The following ABHD17C variants were observed in gnomAD, a reference collection of about 807,000 sequenced individuals.
ABHD17C encodes the protein alpha/beta hydrolase domain-containing protein 17C.
Under a neutral mutation model 27.9 loss-of-function variants are expected in ABHD17C, and 11 were observed. That is an observed-to-expected ratio of 0.39 (90% CI 0.25 to 0.65). The LOEUF (loss-of-function observed/expected upper bound fraction) is 0.65, where lower values mean the gene tolerates loss of function less well. Among genes scored for constraint, ABHD17C ranks in the 30% least tolerant of loss-of-function variants. The probability of loss-of-function intolerance (pLI) is 0.45; values close to 1 mark genes in which losing one functional copy is unlikely to be tolerated. For missense variants in ABHD17C, 280 were observed against 470.2 expected (o/e 0.60, Z 3.74); for synonymous variants, 233 against 209.1 (o/e 1.11, Z -0.98).
At chr15:80,702,936 T>A (rs1475114967) in intron 1 of ABHD17C, 1 of 152,268 alleles carries the variant, frequency 6.6e-6, no homozygotes, top group Non-Finnish European at 1.5e-5. Flanking sequence ...AAATCAGTTC[T>A]GACTCTAGCA....
chr15:80,704,807 G>A (rs781567811), intron 1 of ABHD17C: 4 of 152,184 alleles, frequency 2.6e-5, no homozygotes, highest in Non-Finnish European at 4.4e-5. Context: ...AGAGAGCATC[G>A]ACCTTGAAGA....
At chr15:80,700,061 G>C (rs933013837) in intron 1 of ABHD17C, among the ~76,000 whole-genome samples, 1 of 152,208 alleles carries the variant, frequency 6.6e-6, no homozygotes, top group Admixed American at 6.5e-5. Context: ...TGTCACTTGA[G>C]TTGGGGAAGT....
chr15:80,733,559 C>A (rs12324045), intron 1 of ABHD17C, among the ~76,000 whole-genome samples: 1 of 151,976 alleles, frequency 6.6e-6, no homozygotes, highest in Non-Finnish European at 1.5e-5. Flanking sequence ...GAGGGATGCT[C>A]CAAAAAGACA....
rs936818747 is a variant in ABHD17C, at chr15:80,695,765, G to C, written c.336G>C (p.Ser112=). 6.5e-7 allele frequency: 1 copy of C among 1,539,716 alleles called. No homozygotes were observed. Among genetic ancestry groups the C allele is most frequent in the African/African-American group, 1.4e-5 (1 of 73,210 alleles). The part of the protein sequence containing the change: ...RELDAVEVFF[S]RTARDNRLGC... ...TGGACGCCGTCGAGGTCTTCTTCTC[G>C]CGCACGGCCCGGGACAACCGGCTCG... is the stretch of plus-strand genomic sequence containing the variant. The change falls in exon 1 of 3, where the codon TCG becomes TCC. Residue 112 remains serine (S), a synonymous_variant. Coordinates refer to ENST00000258884, the MANE Select transcript of ABHD17C (RefSeq NM_021214.2). This position sits in a 1 kb window ranked among gnomAD's most constrained non-coding sequence, Gnocchi z 4.3.
Position 80,752,860 on chromosome 15 carries a change from T to G in ABHD17C, c.771-1291T>G, listed in dbSNP as rs75559109. On this transcript the variant is annotated intron_variant, in intron 2 of 2. Transcript: ENST00000258884. The stretch of plus-strand genomic sequence containing the variant: ...TGCTTAAAGTCTTTTGGATTCCTCT[T>G]TTGGATATGCTTTCAGAGCCTGAAG... Among the ~76,000 whole-genome samples the G allele has an allele frequency of 5.5e-3, 831 of 152,328 alleles. 5 individuals carry two copies. Among genetic ancestry groups the G allele is most frequent in the Non-Finnish European group, 9.0e-3 (610 of 68,020 alleles).
At chr15:80,696,077 T>A in intron 1 of ABHD17C, 58 bp downstream of exon 1, 1 of 1,473,246 alleles carries the variant, frequency 6.8e-7, no homozygotes, top group South Asian at 1.2e-5. Context: ...GGGGTGGGGG[T>A]CTCTTGGGGC....
In ABHD17C at chr15:80,749,554, G is replaced by C; in HGVS notation, c.632G>C (p.Ser211Thr). 1 of 1,613,958 alleles carries C rather than the reference G, an allele frequency of 6.2e-7. No homozygotes were observed. Among genetic ancestry groups the C allele is most frequent in the Non-Finnish European group, 8.5e-7 (1 of 1,179,866 alleles). Reference protein sequence around the residue: ...SPENIILYGQSIGTVPTVDLA... With the variant: ...SPENIILYGQTIGTVPTVDLA... ...GAGAACATTATCCTCTATGGTCAGA[G>C]CATTGGGACTGTCCCCACGGTAGAC... The change falls in exon 2 of 3, where the codon AGC (serine) becomes ACC (threonine). Residue 211 changes from serine to threonine, a missense_variant. Ser to Thr is a moderately conservative substitution (Grantham distance 58, BLOSUM62 1). Around this residue, in one of 2 missense-constraint regions of ABHD17C, gnomAD observed 206 missense variants for 394.7 expected, o/e 0.52. Coordinates refer to ENST00000258884, the MANE Select transcript of ABHD17C (RefSeq NM_021214.2).
chr15:80,707,393 G>A (rs890591871), intron 1 of ABHD17C, among the ~76,000 whole-genome samples: 11 of 152,228 alleles, frequency 7.2e-5, no homozygotes, highest in African/African-American at 2.4e-4. Context: ...TCTTCCTGCA[G>A]TAGGAGTTCA....
intron 1 of ABHD17C, among the ~76,000 whole-genome samples, chr15:80,714,872 T>A (rs1022870732): frequency 1.3e-5 from 2 of 152,248 alleles, no homozygotes; most frequent in African/African-American, 2.4e-5. Flanking sequence ...AGCATGACAG[T>A]AAATTAAAAT....
chr15:80,754,469 A>C lies in ABHD17C; in HGVS notation c.*99A>C. The C allele has an allele frequency of 1.0e-6, 1 of 995,408 alleles. No homozygotes were observed. The highest frequency in any genetic ancestry group is 1.5e-6 in the Non-Finnish European group (1 of 683,564). 61.7% of individuals were successfully genotyped at this position (995,408 alleles called of 1,614,324 possible). A position where few individuals can be genotyped will look rare whatever the true frequency, so the allele number is the denominator to read the frequency against. ...AGCTGTAAAGGCTTGATAACCATGA[A>C]GAAGTGCCCAACCTTTAGGGTGTTC... On this transcript the variant is annotated 3_prime_UTR_variant, in exon 3 of 3. Coordinates refer to ENST00000258884, the MANE Select transcript of ABHD17C (RefSeq NM_021214.2).
At chr15:80,716,132 G>A (rs1399869233) in intron 1 of ABHD17C, among the ~76,000 whole-genome samples, 1 of 152,120 alleles carries the variant, frequency 6.6e-6, no homozygotes, top group African/African-American at 2.4e-5. Flanking sequence ...ATGTGTTTAT[G>A]GAGTCTGCAA....
intron 1 of ABHD17C, among the ~76,000 whole-genome samples, chr15:80,721,721 G>C (rs6495520): frequency 2.6e-5 from 4 of 152,148 alleles, no homozygotes; most frequent in African/African-American, 9.7e-5. Context: ...GGTTTCCTCT[G>C]TGCAGCGTAA....
At chr15:80,737,235 A>G (rs1305094068) in intron 1 of ABHD17C, among the ~76,000 whole-genome samples, 1 of 152,170 alleles carries the variant, frequency 6.6e-6, no homozygotes, top group African/African-American at 2.4e-5. Context: ...AAATTGGGAG[A>G]CTTTAATTTC....
At chr15:80,728,798 A>T (rs1596068122) in intron 1 of ABHD17C, among the ~76,000 whole-genome samples, 1 of 152,188 alleles carries the variant, frequency 6.6e-6, no homozygotes, top group Non-Finnish European at 1.5e-5. Flanking sequence ...GATTGTAGAG[A>T]TGTGGTTTCA....
chr15:80,712,079 C>T (rs1894735356), intron 1 of ABHD17C, among the ~76,000 whole-genome samples: 1 of 152,188 alleles, frequency 6.6e-6, no homozygotes, highest in Admixed American at 6.5e-5. Flanking sequence ...TCTCTGTCCC[C>T]ATAGTTCTAA....
chr15:80,715,034 G>C (rs1894784483), intron 1 of ABHD17C, among the ~76,000 whole-genome samples: 1 of 152,150 alleles, frequency 6.6e-6, no homozygotes, highest in Non-Finnish European at 1.5e-5. Context: ...GCCCACCTCG[G>C]CCTCCCAAAG....
chr15:80,719,187 A>G (rs189647599), intron 1 of ABHD17C, among the ~76,000 whole-genome samples: 4 of 152,360 alleles, frequency 2.6e-5, no homozygotes, highest in African/African-American at 7.2e-5. Context: ...AGCAAGAGCC[A>G]TCCCTCTTCC....
chr15:80,752,538 T>C (rs762347650), intron 2 of ABHD17C, among the ~76,000 whole-genome samples: 1 of 152,236 alleles, frequency 6.6e-6, no homozygotes, highest in African/African-American at 2.4e-5. Flanking sequence ...GTCATTCCTC[T>C]CTCACTGTGT....
intron 1 of ABHD17C, among the ~76,000 whole-genome samples, chr15:80,711,111 A>G (rs539805676): frequency 5.9e-5 from 9 of 152,284 alleles, no homozygotes; most frequent in South Asian, 2.1e-4. Flanking sequence ...ACCTGAAAGA[A>G]TTGGCAGTTT....
Sources: allele counts gnomAD v4.1 joint callset (sites outside exome capture counted in the v4.1 genomes callset), GRCh38; gene constraint gnomAD v4.1.1; regional missense constraint gnomAD v4.1.1; non-coding constraint Gnocchi (gnomAD v3.1); transcripts MANE v1.5; gene names NCBI Gene and HGNC (gene_info 2026-07-23, HGNC 2026-07-21).